GIT1: variants seen among roughly 807,000 people sequenced by gnomAD.
GIT1 encodes GIT ArfGAP 1.
In GIT1, 14 loss-of-function variants were observed where a neutral mutation model predicts 91.7. The observed-to-expected ratio is 0.15, with a 90% CI of 0.10 to 0.24. The LOEUF (loss-of-function observed/expected upper bound fraction) is 0.24. Among genes scored for constraint, GIT1 ranks in the 10% least tolerant of loss-of-function variants. The probability of loss-of-function intolerance (pLI) is 1.00; values close to 1 mark genes in which losing one functional copy is unlikely to be tolerated. For synonymous variants in GIT1, 414 were observed against 418.2 expected (o/e 0.99, Z 0.12); for missense variants, 717 against 1,024.9 (o/e 0.70, Z 4.10).
intron 1 of GIT1, among the ~76,000 whole-genome samples, chr17:29,587,670 G>GC (rs1389764525): frequency 6.6e-6 from 1 of 152,110 alleles, no homozygotes; most frequent in Admixed American, 6.5e-5. Context: ...GGAGATGGCA[G>GC]CCCCCCAAAA....
Position 29,574,447 on chromosome 17 carries a change from A to C in GIT1, c.*255T>G. On this transcript the variant is annotated 3_prime_UTR_variant, in exon 20 of 20. Transcript: ENST00000225394. ...AGTGATGCCTTGCAGGCCCCTGCTC[A>C]CTAGGAGGGGGGAGATGCTATATAC... 1 of 532,870 alleles carries C rather than the reference A, an allele frequency of 1.9e-6. No homozygotes were observed. The highest frequency in any genetic ancestry group is 2.1e-5 in the South Asian group (1 of 46,778). 33.0% of individuals were successfully genotyped at this position (532,870 alleles called of 1,614,324 possible).
At chr17:29,579,677 C>G (rs1193153428) in intron 7 of GIT1, among the ~76,000 whole-genome samples, 1 of 151,810 alleles carries the variant, frequency 6.6e-6, no homozygotes, top group Non-Finnish European at 1.5e-5. Context: ...AAGCTATGAT[C>G]AAGCCACCGC....
chr17:29,584,528 G>T (rs2033516353), intron 1 of GIT1, among the ~76,000 whole-genome samples: 1 of 152,198 alleles, frequency 6.6e-6, no homozygotes, highest in South Asian at 2.1e-4. Context: ...GGCCCCTTGG[G>T]AGACAGCTGC....
chr17:29,578,678 G>A, intron 8 of GIT1, 53 bp downstream of exon 8: 2 of 1,461,880 alleles, frequency 1.4e-6, no homozygotes, highest in Non-Finnish European at 1.9e-6. Context: ...AGAGGGTGGG[G>A]GATCAGAGAG....
At chr17:29,588,840 C>T (rs2033693789) in intron 1 of GIT1, among the ~76,000 whole-genome samples, 1 of 152,342 alleles carries the variant, frequency 6.6e-6, no homozygotes, top group East Asian at 1.9e-4. Context: ...GCCCCACTGG[C>T]GCATCTGCCC....
Position 29,589,417 on chromosome 17 carries a change from TGGGGGGCGCGGGCGGCGGGCCC to T in GIT1, c.-61_-40del. 1.1e-6 allele frequency: 1 copy of T among 926,008 alleles called. No individual in the cohort carries two copies. Among genetic ancestry groups the T allele is most frequent in the Non-Finnish European group, 1.3e-6 (1 of 777,824 alleles). 57.4% of individuals were successfully genotyped at this position (926,008 alleles called of 1,614,324 possible). ...GCGGCCGCAGCCCTCTGGGCCAGCG[TGGGGGGCGCGGGCGGCGGGCCC>T]GGGCGGCGGCGGCGGCCCCTGCTGC... On this transcript the variant is annotated 5_prime_UTR_variant, in exon 1 of 20. Transcript: ENST00000225394. This position sits in a 1 kb window ranked among gnomAD's most constrained non-coding sequence, Gnocchi z 5.2.
Position 29,581,157 on chromosome 17 carries a change from C to A in GIT1, c.761+181G>T, listed in dbSNP as rs1174425400. ...CAGGCTATGCGGGCCACATATGGAG[C>A]TGACATTTTTTACCTGCCTTGGGGC... On this transcript the variant is annotated intron_variant, in intron 7 of 19. Coordinates refer to ENST00000225394, the MANE Select transcript of GIT1 (RefSeq NM_014030.4). The surrounding 1 kb of genome is among the most constrained non-coding windows in gnomAD (Gnocchi z 4.8). 3 of 623,214 alleles carry A rather than the reference C, an allele frequency of 4.8e-6. No individual in the cohort carries two copies. Among genetic ancestry groups the A allele is most frequent in the East Asian group, 5.5e-5 (2 of 36,490 alleles). 38.6% of individuals were successfully genotyped at this position (623,214 alleles called of 1,614,324 possible).
chr17:29,577,117 TC>T lies in GIT1; in HGVS notation c.1093+18del, dbSNP rs1422917850. 14 of 1,609,822 alleles carry T rather than the reference TC, an allele frequency of 8.7e-6. No individual in the cohort carries two copies. The highest frequency in any genetic ancestry group is 1.2e-5 in the Non-Finnish European group (14 of 1,176,896). On this transcript the variant is annotated intron_variant, in intron 11 of 19. Coordinates refer to ENST00000225394, the MANE Select transcript of GIT1 (RefSeq NM_014030.4). ...GGAGCCCCGCCTGCTTCCCACACCC[TC>T]CCACACAACCCTCCCACCTGTGGGG...
In GIT1 at chr17:29,575,493, A is replaced by T; in HGVS notation, c.1827-23T>A. ...AGCCTGAGGCCCAGGTCCAGAAAAC[A>T]GAGACAAAGATACATATAGAGAAAG... On this transcript the variant is annotated intron_variant, in intron 17 of 19. Transcript: ENST00000225394. This position sits in a 1 kb window ranked among gnomAD's most constrained non-coding sequence, Gnocchi z 5.5. The T allele has an allele frequency of 6.3e-7, 1 of 1,591,776 alleles. No homozygotes were observed. The highest frequency in any genetic ancestry group is 8.6e-7 in the Non-Finnish European group (1 of 1,168,196).
intron 2 of GIT1, 85 bp downstream of exon 2, chr17:29,583,398 G>A (rs1314570329): frequency 4.9e-6 from 7 of 1,418,186 alleles, no homozygotes; most frequent in Non-Finnish European, 6.8e-6. Context: ...CCAGATGGGG[G>A]TGTATGTGGG....
At chr17:29,577,597 C>T (rs747270751) in intron 10 of GIT1, 48 bp downstream of exon 10, 22 of 1,213,006 alleles carry the variant, frequency 1.8e-5, no homozygotes, top group African/African-American at 1.2e-4. Flanking sequence ...GAGGAGGGAC[C>T]GCGGGGATGA....
intron 1 of GIT1, chr17:29,583,857 A>G (rs1214715003): frequency 5.5e-6 from 3 of 547,102 alleles, no homozygotes; most frequent in African/African-American, 1.9e-5. Context: ...TGGGATATGC[A>G]GTCCCCAGGG....
chr17:29,583,693 C>T, intron 1 of GIT1, 77 bp from the exon 2 acceptor site: 9 of 1,455,408 alleles, frequency 6.2e-6, no homozygotes, highest in Non-Finnish European at 8.3e-6. Flanking sequence ...TGGCCCGTGC[C>T]AAGCCTAGTA....
At position 29,574,597 on chromosome 17, in the gene GIT1, C is replaced by T. The variant is rs1436478541; in HGVS notation, c.*105G>A. ...CCAGGGAGTGTGGCAGCACTAAGGG[C>T]ACTTGTGCCAGTGGCTCTGTTGGGG... On this transcript the variant is annotated 3_prime_UTR_variant, in exon 20 of 20. Coordinates refer to ENST00000225394, the MANE Select transcript of GIT1 (RefSeq NM_014030.4). 1.0e-6 allele frequency: 1 copy of T among 982,666 alleles called. No homozygotes were observed. Among genetic ancestry groups the T allele is most frequent in the Non-Finnish European group, 1.6e-6 (1 of 620,078 alleles). 60.9% of individuals were successfully genotyped at this position (982,666 alleles called of 1,614,324 possible).
In GIT1 at chr17:29,575,712, C is replaced by T. The variant is rs369858870; in HGVS notation, c.1753-9G>A. ...TGGCGGGAAAGCTTGCTCTGGAGGG[C>T]GGAGGGAAGGGGCTGTGAGCGCCGT... On this transcript the variant is annotated splice_polypyrimidine_tract_variant and intron_variant, in intron 16 of 19. Transcript: ENST00000225394. The surrounding 1 kb of genome is among the most constrained non-coding windows in gnomAD (Gnocchi z 5.5). The T allele has an allele frequency of 1.1e-5, 17 of 1,612,090 alleles. No homozygotes were observed. The highest frequency in any genetic ancestry group is 2.2e-5 in the East Asian group (1 of 44,864).
chr17:29,575,047 C>G lies in GIT1; in HGVS notation c.2073+32G>C. ...CACGCCTGCCCCAGCTCGAGGCCCT[C>G]CCACTCCTGGTCCTCTCTTTGGCCC... On this transcript the variant is annotated intron_variant, in intron 19 of 19. Transcript: ENST00000225394. The surrounding 1 kb of genome is among the most constrained non-coding windows in gnomAD (Gnocchi z 5.5). The G allele has an allele frequency of 6.5e-7, 1 of 1,543,232 alleles. No individual in the cohort carries two copies. The highest frequency in any genetic ancestry group is 8.8e-7 in the Non-Finnish European group (1 of 1,132,956).
Position 29,583,008 on chromosome 17 carries a change from G to A in GIT1, c.216C>T (p.Ala72=). The change falls in exon 3 of 20, where the codon GCC becomes GCT. Residue 72 remains alanine (A), a synonymous_variant. Coordinates refer to ENST00000225394, the MANE Select transcript of GIT1 (RefSeq NM_014030.4). ...QMVHTLASNG[A]NSIWEHSLLD... Reference sequence around the variant, plus strand: ...GCAGGGAGTGCTCCCAGATGGAGTTGGCCCCGTTGCTGGCAAGCGTGTGCA... The same window carrying A: ...GCAGGGAGTGCTCCCAGATGGAGTTAGCCCCGTTGCTGGCAAGCGTGTGCA... The A allele has an allele frequency of 6.2e-7, 1 of 1,611,388 alleles. No homozygotes were observed. The highest frequency in any genetic ancestry group is 1.1e-5 in the South Asian group (1 of 91,080).
At chr17:29,578,848 C>T in intron 7 of GIT1, 69 bp from the exon 8 acceptor site, 1 of 1,566,858 alleles carries the variant, frequency 6.4e-7, no homozygotes, top group Non-Finnish European at 8.8e-7. Flanking sequence ...CCCATGCCAG[C>T]AACCTCCCCA....
At chr17:29,574,973 G>T in intron 19 of GIT1, 59 bp from the exon 20 acceptor site, 1 of 1,493,216 alleles carries the variant, frequency 6.7e-7, no homozygotes. Flanking sequence ...TGAGATCAGG[G>T]CCCAGTTTGT....
Sources: allele counts gnomAD v4.1 joint callset (sites outside exome capture counted in the v4.1 genomes callset), GRCh38; gene constraint gnomAD v4.1.1; non-coding constraint Gnocchi (gnomAD v3.1); transcripts MANE v1.5; gene names NCBI Gene and HGNC (gene_info 2026-07-23, HGNC 2026-07-21).